The following KCNT2 variants were observed in gnomAD, a reference collection of about 807,000 sequenced individuals.
The protein encoded by KCNT2 is potassium channel subfamily T member 2.
KCNT2 carries 67 observed loss-of-function variants against 153.8 expected under a neutral mutation model. The ratio of observed to expected loss-of-function variants is 0.44; its 90% CI spans 0.36 to 0.53. The LOEUF is 0.53. KCNT2 is among the 20% of genes least tolerant of loss of function. The pLI is 0.00. For synonymous variants in KCNT2, 500 were observed against 458.8 expected, an observed-to-expected ratio of 1.09 and a Z score of -1.15; for missense variants, 975 against 1,354.8, an observed-to-expected ratio of 0.72 and a Z score of 4.40.
intron 25 of KCNT2, among the ~76,000 whole-genome samples, chr1:196,268,381 T>C (rs913992250): frequency 1.3e-5 from 2 of 152,192 alleles, no homozygotes; most frequent in African/African-American, 4.8e-5. Context: ...CCAGACATCA[T>C]TGAAAGTGAC....
At chr1:196,540,169 A>C (rs1656159352) in intron 1 of KCNT2, among the ~76,000 whole-genome samples, 1 of 152,110 alleles carries the variant, frequency 6.6e-6, no homozygotes. Flanking sequence ...GTCCAGAAAA[A>C]AGAATATGCA....
chr1:196,414,199 T>C (rs1672568135), intron 12 of KCNT2, among the ~76,000 whole-genome samples: 3 of 151,830 alleles, frequency 2.0e-5, no homozygotes, highest in Admixed American at 6.6e-5. Flanking sequence ...AAATATATTT[T>C]CACACGTAAC....
At chr1:196,574,208 T>C (rs1392190539) in intron 1 of KCNT2, among the ~76,000 whole-genome samples, 1 of 151,984 alleles carries the variant, frequency 6.6e-6, no homozygotes, top group Non-Finnish European at 1.5e-5. Context: ...AGAGTAAATA[T>C]GAAAAGCTTC....
At chr1:196,341,739 A>C (rs2148160587) in intron 15 of KCNT2, among the ~76,000 whole-genome samples, 1 of 152,136 alleles carries the variant, frequency 6.6e-6, no homozygotes, top group Non-Finnish European at 1.5e-5. Flanking sequence ...TAGAAATATT[A>C]GTGTTACTTT....
At chr1:196,526,461 GT>G (rs924307913) in intron 1 of KCNT2, among the ~76,000 whole-genome samples, 46 of 144,892 alleles carry the variant, frequency 3.2e-4, no homozygotes, top group East Asian at 1.0e-3. Context: ...TTTTTGTTTG[GT>G]TTTTTTTTTT....
chr1:196,228,381 G>A, intron 27 of KCNT2, 46 bp from the exon 28 acceptor site: 1 of 963,086 alleles, frequency 1.0e-6, no homozygotes, highest in Non-Finnish European at 1.6e-6. Context: ...AGTAAATACA[G>A]GCAACATTAA....
Position 196,228,022 on chromosome 1 carries a change from G to T in KCNT2, c.*202C>A. On this transcript the variant is annotated 3_prime_UTR_variant, in exon 28 of 28. Coordinates refer to ENST00000294725, the MANE Select transcript of KCNT2 (RefSeq NM_198503.5). ...TTTAGCTTTTCAAATTTATTCCATT[G>T]AGGTCCTTCAAATATTAATAGGGAG... The T allele has an allele frequency of 2.6e-6, 1 of 386,366 alleles. No individual in the cohort carries two copies. Among genetic ancestry groups the T allele is most frequent in the Non-Finnish European group, 4.6e-6 (1 of 217,660 alleles). The allele number at this position is 386,366 out of a possible 1,614,324, so 23.9% of individuals were successfully genotyped here.
chr1:196,584,176 A>AAAATAAAAT (rs1218076395), intron 1 of KCNT2, among the ~76,000 whole-genome samples: 7 of 150,504 alleles, frequency 4.7e-5, no homozygotes, highest in African/African-American at 1.7e-4. Context: ...AAGATAAAAT[A>AAAATAAAAT]AAATAAAATA....
chr1:196,458,573 T>C (rs1308561587), intron 8 of KCNT2, among the ~76,000 whole-genome samples: 1 of 151,964 alleles, frequency 6.6e-6, no homozygotes, highest in African/African-American at 2.4e-5. Flanking sequence ...CTGTATATCA[T>C]TACAAAGGCA....
At chr1:196,479,361 A>T (rs1572591397) in intron 4 of KCNT2, 123 bp from the exon 5 acceptor site, 2 of 594,980 alleles carry the variant, frequency 3.4e-6, no homozygotes, top group East Asian at 6.1e-5. Context: ...GTATAATAGG[A>T]CTTATTAGGC....
chr1:196,273,059 A>C (rs1170348764), intron 25 of KCNT2, among the ~76,000 whole-genome samples: 1 of 151,872 alleles, frequency 6.6e-6, no homozygotes, highest in Admixed American at 6.6e-5. Context: ...ATAACCTTTT[A>C]TGTCTAATTA....
intron 13 of KCNT2, among the ~76,000 whole-genome samples, chr1:196,394,389 A>G (rs558213514): frequency 2.0e-5 from 3 of 151,778 alleles, no homozygotes; most frequent in African/African-American, 7.2e-5. Context: ...TGGATTAGGT[A>G]GTACAACCGA....
intron 25 of KCNT2, among the ~76,000 whole-genome samples, chr1:196,269,516 A>G (rs1234980549): frequency 2.0e-5 from 3 of 152,174 alleles, no homozygotes; most frequent in Non-Finnish European, 4.4e-5. Flanking sequence ...GTTGTGGACT[A>G]GTAAGCAGAA....
rs1286587296 is a variant in KCNT2, at chr1:196,542,883, TA to T, written c.96-50543del. ...TTATGAAATAAGAGTGAAGGAAATATAAAAAAGGAGGATTTAATTCAGTCAA... is the reference window on the plus strand; with the variant it reads ...TTATGAAATAAGAGTGAAGGAAATATAAAAAGGAGGATTTAATTCAGTCAA... On this transcript the variant is annotated intron_variant, in intron 1 of 27. Transcript: ENST00000294725. 1.2e-4 allele frequency among the ~76,000 whole-genome samples: 18 copies of T among 152,024 alleles called. No homozygotes were observed. The East Asian group carries it at 3.1e-3, about 26-fold the overall frequency.
In KCNT2 at chr1:196,256,031, A is replaced by C. The variant is rs987476671; in HGVS notation, c.3211+2163T>G. ...TTTAATCTCTCAAAAGGCAAATAAA[A>C]TGTGTCTCCACTATTTCATAGTTGA... On this transcript the variant is annotated intron_variant, in intron 26 of 27. Transcript: ENST00000294725. Among the ~76,000 whole-genome samples, 19 of 152,090 alleles carry C rather than the reference A, an allele frequency of 1.2e-4. 1 individual carries two copies. Among genetic ancestry groups the C allele is most frequent in the Middle Eastern group, 6.8e-3 (2 of 294 alleles).
At chr1:196,415,958 A>C (rs1052726982) in intron 12 of KCNT2, among the ~76,000 whole-genome samples, 6 of 151,948 alleles carry the variant, frequency 3.9e-5, no homozygotes, top group African/African-American at 1.4e-4. Flanking sequence ...TCAGTTACCC[A>C]AGATTAACTT....
intron 19 of KCNT2, among the ~76,000 whole-genome samples, chr1:196,319,855 T>G (rs1041051458): frequency 2.0e-5 from 3 of 151,746 alleles, no homozygotes; most frequent in Non-Finnish European, 4.4e-5. Flanking sequence ...CCAAGAAATC[T>G]TATAAATAAA....
intron 22 of KCNT2, among the ~76,000 whole-genome samples, chr1:196,289,777 A>C (rs1213365918): frequency 1.3e-5 from 2 of 152,064 alleles, no homozygotes; most frequent in African/African-American, 4.8e-5. Flanking sequence ...TTTTTGTTAA[A>C]TTTATCATAT....
At chr1:196,607,529 T>C (rs1298721146) in intron 1 of KCNT2, among the ~76,000 whole-genome samples, 2 of 151,234 alleles carry the variant, frequency 1.3e-5, no homozygotes, top group East Asian at 3.9e-4. Context: ...TCTGTTTCAG[T>C]TAAAAAAATA....
Sources: gnomAD v4.1 joint callset for allele counts (sites outside exome capture counted in the v4.1 genomes callset) on GRCh38, gnomAD v4.1.1 for gene constraint, MANE v1.5 for transcripts, NCBI Gene and HGNC (gene_info 2026-07-23, HGNC 2026-07-21) for gene names.